The following NCOA6 variants were observed in gnomAD, a reference collection of about 807,000 sequenced individuals.
NCOA6 encodes the protein nuclear receptor coactivator 6.
In NCOA6, 49 loss-of-function variants were observed where a neutral mutation model predicts 171.4. The observed-to-expected ratio is 0.29, with a 90% CI of 0.23 to 0.36. The LOEUF (loss-of-function observed/expected upper bound fraction) is 0.36, where lower values mean the gene tolerates loss of function less well. Ranked by LOEUF, NCOA6 falls within the 10% of genes least tolerant of loss-of-function variation. NCOA6 has a pLI of 1.00. For synonymous variants in NCOA6, 910 were observed against 927.5 expected, an observed-to-expected ratio of 0.98 and a Z score of 0.34; for missense variants, 2,248 against 2,554.5, an observed-to-expected ratio of 0.88 and a Z score of 2.59.
rs146570094 is a variant in NCOA6 at position 34,743,313 on chromosome 20, C to A, written c.2943G>T (p.Arg981Ser). The A allele has an allele frequency of 2.0e-4, 323 of 1,610,842 alleles. No individual in the cohort carries two copies. The highest frequency in any genetic ancestry group is 2.5e-4 in the Non-Finnish European group (296 of 1,177,814). The change falls in exon 11 of 15, where the codon AGG becomes AGT. Residue 981 changes from arginine to serine, a missense_variant. By Grantham distance (110) the Arg-to-Ser change is moderately radical. Coordinates refer to ENST00000359003, the MANE Select transcript of NCOA6 (RefSeq NM_014071.5). ...GTTGAGGAGGCATCTGCTGAAGTGG[C>A]CTCTGTTCAACTGGTTGAGAAGGAT... ...PGYPSQPVEQ[R>S]PLQQMPPQLM...
intron 14 of NCOA6, among the ~76,000 whole-genome samples, chr20:34,724,859 G>A (rs1989774672): frequency 6.6e-6 from 1 of 151,642 alleles, no homozygotes; most frequent in South Asian, 2.1e-4. Flanking sequence ...CGCGATCTTG[G>A]CTCACTGCAA....
At chr20:34,817,717 A>T (rs2078889066) in intron 1 of NCOA6, among the ~76,000 whole-genome samples, 1 of 152,174 alleles carries the variant, frequency 6.6e-6, no homozygotes, top group Admixed American at 6.6e-5. Flanking sequence ...AAGGGAGGGA[A>T]GGGGGAAGGC....
chr20:34,718,810 ATTACT>A (rs1220547844), intron 14 of NCOA6, among the ~76,000 whole-genome samples: 2 of 151,978 alleles, frequency 1.3e-5, no homozygotes, highest in Non-Finnish European at 2.9e-5. Context: ...CTGGCCACAA[ATTACT>A]TTAAGGTAAG....
chr20:34,721,650 A>G (rs1196916898), intron 14 of NCOA6, among the ~76,000 whole-genome samples: 1 of 152,086 alleles, frequency 6.6e-6, no homozygotes, highest in Non-Finnish European at 1.5e-5. Flanking sequence ...CAGGAGATGG[A>G]GCTCAGGCAG....
intron 12 of NCOA6, 64 bp downstream of exon 12, chr20:34,736,626 C>T: frequency 7.5e-7 from 1 of 1,329,256 alleles, no homozygotes; most frequent in Non-Finnish European, 1.1e-6. Flanking sequence ...ACATTGAGGA[C>T]AGCAGTAGTT....
At chr20:34,773,019 G>A (rs1344105319) in intron 4 of NCOA6, among the ~76,000 whole-genome samples, 3 of 152,024 alleles carry the variant, frequency 2.0e-5, no homozygotes, top group African/African-American at 2.4e-5. Flanking sequence ...GAACACTACC[G>A]GCTCCCAAAC....
At chr20:34,764,087 T>C (rs1425356449) in intron 5 of NCOA6, among the ~76,000 whole-genome samples, 1 of 4,550 alleles carries the variant, frequency 2.2e-4, no homozygotes, top group Non-Finnish European at 5.4e-4. Flanking sequence ...CCCAGCTACA[T>C]TTTTTTTTTT....
intron 3 of NCOA6, among the ~76,000 whole-genome samples, chr20:34,778,046 AGGTG>A (rs2077390893): frequency 6.6e-6 from 1 of 152,004 alleles, no homozygotes; most frequent in African/African-American, 2.4e-5. Flanking sequence ...CTGGGACTAC[AGGTG>A]CATGCCACCA....
chr20:34,789,127 G>A (rs1419151656), intron 2 of NCOA6, among the ~76,000 whole-genome samples: 1 of 152,118 alleles, frequency 6.6e-6, no homozygotes, highest in Non-Finnish European at 1.5e-5. Context: ...TCATCTAAGT[G>A]CTGTATGAAG....
At chr20:34,735,734 T>C (rs1239366913) in intron 12 of NCOA6, among the ~76,000 whole-genome samples, 1 of 152,224 alleles carries the variant, frequency 6.6e-6, no homozygotes, top group Non-Finnish European at 1.5e-5. Context: ...CCTGATTTTA[T>C]TCAGAGTGTG....
At chr20:34,806,371 A>G (rs1385761781) in intron 1 of NCOA6, among the ~76,000 whole-genome samples, 1 of 152,130 alleles carries the variant, frequency 6.6e-6, no homozygotes, top group African/African-American at 2.4e-5. Flanking sequence ...TTATCTCCTC[A>G]CTGTTTCCTT....
At position 34,749,689 on chromosome 20, in the gene NCOA6, T is replaced by C; in HGVS notation, c.2506A>G (p.Met836Val). 1 of 1,614,184 alleles carries C rather than the reference T, an allele frequency of 6.2e-7. No individual in the cohort carries two copies. The highest frequency in any genetic ancestry group is 1.1e-5 in the South Asian group (1 of 91,088). ...TTTCCCGAGGCACTGTTTCCCTGCA[T>C]GGCCTGCACATGAGGGGGGACCATG... ...TNMVPPHVQA[M>V]QGNSASGNHF... The change falls in exon 9 of 15, where the codon ATG becomes GTG. Residue 836 changes from methionine (M) to valine (V), a missense_variant. Met to Val is a conservative substitution (Grantham distance 21). Coordinates refer to ENST00000359003, the MANE Select transcript of NCOA6 (RefSeq NM_014071.5).
intron 1 of NCOA6, among the ~76,000 whole-genome samples, chr20:34,818,331 G>A (rs925991596): frequency 6.6e-6 from 1 of 152,058 alleles, no homozygotes. Flanking sequence ...TCCAGCCTGG[G>A]CAACAGAGTA....
intron 1 of NCOA6, among the ~76,000 whole-genome samples, chr20:34,819,121 T>C (rs956134522): frequency 2.0e-5 from 3 of 152,210 alleles, no homozygotes; most frequent in Non-Finnish European, 2.9e-5. Context: ...CACAAACTCA[T>C]CTGTCAATTT....
intron 8 of NCOA6, 50 bp from the exon 9 acceptor site, chr20:34,750,569 T>C (rs1479246493): frequency 3.3e-6 from 5 of 1,496,802 alleles, no homozygotes; most frequent in Admixed American, 2.2e-5. Context: ...TTTTATCTTA[T>C]TGGTATTAAG....
intron 1 of NCOA6, chr20:34,820,603 C>T: frequency 6.6e-6 from 1 of 151,522 alleles, no homozygotes; most frequent in Non-Finnish European, 1.5e-5. Context: ...AAACCCCATC[C>T]CTACTAAAAA....
At chr20:34,784,055 A>T (rs1247604440) in intron 2 of NCOA6, among the ~76,000 whole-genome samples, 1 of 152,176 alleles carries the variant, frequency 6.6e-6, no homozygotes, top group East Asian at 1.9e-4. Context: ...AAAGATGGAT[A>T]AGAAAATTAA....
intron 1 of NCOA6, among the ~76,000 whole-genome samples, chr20:34,802,550 G>A (rs1013735237): frequency 2.6e-5 from 4 of 151,796 alleles, no homozygotes; most frequent in Admixed American, 6.6e-5. Context: ...GCAGTGAGCC[G>A]AGATTGCACC....
chr20:34,819,195 C>T (rs911493296), intron 1 of NCOA6: 2 of 152,036 alleles, frequency 1.3e-5, no homozygotes, highest in African/African-American at 4.8e-5. Context: ...ATATTCAATA[C>T]CTCAATAAAG....
Sources: gnomAD v4.1 joint callset for allele counts (sites outside exome capture counted in the v4.1 genomes callset) on GRCh38, gnomAD v4.1.1 for gene constraint, MANE v1.5 for transcripts, NCBI Gene and HGNC (gene_info 2026-07-23, HGNC 2026-07-21) for gene names.